Variants in JAG2 observed in about 807,000 individuals in gnomAD.
JAG2 encodes protein jagged-2.
JAG2 carries 46 observed loss-of-function variants against 141.7 expected under a neutral mutation model. The ratio of observed to expected loss-of-function variants is 0.32; its 90% CI spans 0.26 to 0.42. The LOEUF is 0.42. JAG2 is among the 10% of genes least tolerant of loss of function. The pLI, the probability that JAG2 is intolerant of heterozygous loss-of-function variation, is 1.00. For missense variants in JAG2, 1,500 were observed against 1,817.5 expected (o/e 0.83, Z 3.18); for synonymous variants, 862 against 763.5 (o/e 1.13, Z -2.13).
intron 15 of JAG2, 133 bp downstream of exon 15, chr14:105,148,611 TG>T: frequency 1.1e-6 from 1 of 920,086 alleles, no homozygotes; most frequent in Non-Finnish European, 1.7e-6. Context: ...CTCCACCCCA[TG>T]GTGGCAGCAC....
intron 17 of JAG2, 28 bp downstream of exon 17, chr14:105,148,088 G>A (rs1010085980): frequency 1.2e-5 from 18 of 1,512,514 alleles, no homozygotes; most frequent in Admixed American, 5.9e-5. Flanking sequence ...TATGCCCGGC[G>A]GTCGCAGAGG....
At chr14:105,156,524 T>C (rs587598409) in intron 3 of JAG2, among the ~76,000 whole-genome samples, 8 of 151,776 alleles carry the variant, frequency 5.3e-5, no homozygotes, top group East Asian at 3.9e-4. Flanking sequence ...AAGACAGGCA[T>C]AGGTCCCGTG....
At chr14:105,153,581 G>A (rs1385566230) in intron 5 of JAG2, among the ~76,000 whole-genome samples, 8 of 152,102 alleles carry the variant, frequency 5.3e-5, no homozygotes, top group African/African-American at 7.2e-5. Context: ...GAGAGGCGGC[G>A]GCAGGAAGGC....
Position 105,155,570 on chromosome 14 carries a change from C to A in JAG2, c.780G>T (p.Gly260=). ...GCCGGCGGCACACTCACCTGCACTCCCCAGGCACGGTGCATCCCCCGTGGA... is the reference window on the plus strand; with the variant it reads ...GCCGGCGGCACACTCACCTGCACTCACCAGGCACGGTGCATCCCCCGTGGA... ...NLLHGGCTVP[G]ECRCSYGWQG... Residue 260 remains glycine, a synonymous_variant, in exon 5 of 26, where the codon GGG becomes GGT. Coordinates refer to ENST00000331782, the MANE Select transcript of JAG2 (RefSeq NM_002226.5). 6.2e-7 allele frequency: 1 copy of A among 1,612,902 alleles called. No individual in the cohort carries two copies. Among genetic ancestry groups the A allele is most frequent in the Non-Finnish European group, 8.5e-7 (1 of 1,179,980 alleles).
chr14:105,143,554 C>T lies in JAG2; in HGVS notation c.3169G>A (p.Gly1057Arg). Reference sequence around the variant, plus strand: ...ACAGCCAGGAGCAGTGAGCTGTTCCCCCGCTGGGTGATGGCGGCCACGATG... The same window carrying T: ...ACAGCCAGGAGCAGTGAGCTGTTCCTCCGCTGGGTGATGGCGGCCACGATG... The part of the protein sequence containing the change: ...HAIVAAITQR[G>R]NSSLLLAVTE... Residue 1057 changes from glycine to arginine, a missense_variant, in exon 25 of 26, where the codon GGG (glycine) becomes AGG (arginine). By Grantham distance (125) the Gly-to-Arg change is moderately radical. Around this residue, in one of 3 missense-constraint regions of JAG2, gnomAD observed 425 missense variants for 441.0 expected, o/e 0.96. Transcript: ENST00000331782. 7.5e-6 allele frequency: 12 copies of T among 1,598,502 alleles called. No individual in the cohort carries two copies. The highest frequency in any genetic ancestry group is 1.0e-5 in the Non-Finnish European group (12 of 1,175,324).
intron 2 of JAG2, among the ~76,000 whole-genome samples, chr14:105,158,218 C>T (rs1888634287): frequency 6.6e-6 from 1 of 152,132 alleles, no homozygotes; most frequent in Admixed American, 6.5e-5. Context: ...GAACGTGGGG[C>T]CCCATCACCA....
chr14:105,166,092 C>A (rs1888900717), intron 2 of JAG2, among the ~76,000 whole-genome samples: 1 of 152,250 alleles, frequency 6.6e-6, no homozygotes, highest in Admixed American at 6.5e-5. Flanking sequence ...CGCCTGCCCC[C>A]TCCTGGGGCA....
chr14:105,148,869 G>A lies in JAG2; in HGVS notation c.1907-11C>T, dbSNP rs200423307. On this transcript the variant is annotated splice_polypyrimidine_tract_variant and intron_variant, in intron 14 of 25. Coordinates refer to ENST00000331782, the MANE Select transcript of JAG2 (RefSeq NM_002226.5). ...GGCAGTCGTCAATGTCTGCAGAGGC[G>A]AGCGGGGTGAGCCAGGGCCTCAGGC... 1.5e-4 allele frequency: 236 copies of A among 1,586,744 alleles called. No homozygotes were observed. Among genetic ancestry groups the A allele is most frequent in the East Asian group, 7.1e-4 (31 of 43,388 alleles).
Position 105,150,884 on chromosome 14 carries a change from T to C in JAG2, c.1409A>G (p.Gln470Arg), listed in dbSNP as rs751068742. Residue 470 changes from glutamine to arginine, a missense_variant, in exon 11 of 26, where the codon CAG (glutamine) becomes CGG (arginine). Coordinates refer to ENST00000331782, the MANE Select transcript of JAG2 (RefSeq NM_002226.5). Reference protein sequence around the residue: ...INVNDCRGQCQHGGTCKDLVN... With the variant: ...INVNDCRGQCRHGGTCKDLVN... ...CCTCACCTTGCAGGTGCCCCCATGCTGACACTGCCCGCGACAGTCGTTGAC... is the reference window on the plus strand; with the variant it reads ...CCTCACCTTGCAGGTGCCCCCATGCCGACACTGCCCGCGACAGTCGTTGAC... The C allele has an allele frequency of 1.3e-6, 2 of 1,590,892 alleles. No homozygotes were observed. The highest frequency in any genetic ancestry group is 1.8e-5 in the Admixed American group (1 of 56,860).
In JAG2 at chr14:105,148,747, G is replaced by A. The variant is rs1888310901; in HGVS notation, c.2018C>T (p.Thr673Ile). 6.4e-7 allele frequency: 1 copy of A among 1,563,850 alleles called. No homozygotes were observed. Among genetic ancestry groups the A allele is most frequent in the African/African-American group, 1.4e-5 (1 of 74,028 alleles). Residue 673 changes from threonine (T) to isoleucine (I), a missense_variant and splice_region_variant, in exon 15 of 26, where the codon ACC becomes ATC. By Grantham distance (89) the Thr-to-Ile change is moderately conservative. This residue lies in a region of JAG2 where 875 missense variants were observed against 1,202.2 expected (regional missense o/e 0.73). Transcript: ENST00000331782. Reference sequence around the variant, plus strand: ...TGGGCGGGTGCTGGAACACTCACTGGTGTCGCAGAGCTCGCCCTCCCAGCC... The same window carrying A: ...TGGGCGGGTGCTGGAACACTCACTGATGTCGCAGAGCTCGCCCTCCCAGCC... Reference protein sequence around the residue: ...PSGWEGELCDTNPNDCLPDPC... With the variant: ...PSGWEGELCDINPNDCLPDPC...
At chr14:105,166,477 C>A (rs2140998072) in intron 2 of JAG2, among the ~76,000 whole-genome samples, 1 of 152,374 alleles carries the variant, frequency 6.6e-6, no homozygotes, top group Middle Eastern at 3.4e-3. Context: ...CCTGCCTTTT[C>A]CATCTGGGGG....
At position 105,168,347 on chromosome 14, in the gene JAG2, C is replaced by T; in HGVS notation, c.66+8G>A. On this transcript the variant is annotated splice_region_variant and intron_variant, in intron 1 of 25. Transcript: ENST00000331782. ...CGCGACCCCCGCCGCCCCCGCCGCCCCGCTCACCTGCACCCAGAGCGCCAG... is the reference window on the plus strand; with the variant it reads ...CGCGACCCCCGCCGCCCCCGCCGCCTCGCTCACCTGCACCCAGAGCGCCAG... 1 of 958,148 alleles carries T rather than the reference C, an allele frequency of 1.0e-6. No individual in the cohort carries two copies. The highest frequency in any genetic ancestry group is 1.3e-6 in the Non-Finnish European group (1 of 779,648). 59.4% of individuals were successfully genotyped at this position (958,148 alleles called of 1,614,324 possible).
intron 13 of JAG2, 38 bp from the exon 14 acceptor site, chr14:105,149,127 C>CCGG: frequency 6.3e-7 from 1 of 1,580,780 alleles, no homozygotes; most frequent in Non-Finnish European, 8.6e-7. Flanking sequence ...AGGCCCGCCC[C>CCGG]TGCCCCACCA....
At chr14:105,145,693 G>T in intron 23 of JAG2, 38 bp downstream of exon 23, 1 of 1,569,010 alleles carries the variant, frequency 6.4e-7, no homozygotes, top group Non-Finnish European at 8.6e-7. Context: ...ATGCCGGCGT[G>T]TGGCCTCTGC....
intron 9 of JAG2, 36 bp downstream of exon 9, chr14:105,151,247 G>A (rs376410237): frequency 4.4e-4 from 558 of 1,278,452 alleles, no homozygotes; most frequent in Middle Eastern, 1.8e-3. Context: ...CCGCATGCGC[G>A]GCCCACGTTC....
rs76874915 is a variant in JAG2 at position 105,164,135 on chromosome 14, G to A, written c.417+3622C>T. Among the ~76,000 whole-genome samples the A allele has an allele frequency of 1.0e-3, 151 of 147,656 alleles. 1 individual carries two copies. In the East Asian group the frequency reaches 0.02, roughly 19 times the overall value. ...CCTCCCAGCCTTCCTATCGTGCTGC[G>A]GCTTTGACCCTTCAGCCCACCCTCA... is the stretch of plus-strand genomic sequence containing the variant. On this transcript the variant is annotated intron_variant, in intron 2 of 25. Coordinates refer to ENST00000331782, the MANE Select transcript of JAG2 (RefSeq NM_002226.5).
Position 105,168,347 on chromosome 14 carries a change from C to G in JAG2, c.66+8G>C. ...CGCGACCCCCGCCGCCCCCGCCGCCCCGCTCACCTGCACCCAGAGCGCCAG... is the reference window on the plus strand; with the variant it reads ...CGCGACCCCCGCCGCCCCCGCCGCCGCGCTCACCTGCACCCAGAGCGCCAG... On this transcript the variant is annotated splice_region_variant and intron_variant, in intron 1 of 25. Coordinates refer to ENST00000331782, the MANE Select transcript of JAG2 (RefSeq NM_002226.5). 1 of 958,146 alleles carries G rather than the reference C, an allele frequency of 1.0e-6. No homozygotes were observed. Among genetic ancestry groups the G allele is most frequent in the Non-Finnish European group, 1.3e-6 (1 of 779,646 alleles). 59.4% of individuals were successfully genotyped at this position (958,146 alleles called of 1,614,324 possible).
Position 105,146,471 on chromosome 14 carries a change from G to C in JAG2, c.2623C>G (p.Arg875Gly). The change falls in exon 22 of 26, where the codon CGG becomes GGG. Residue 875 changes from arginine (R) to glycine (G), a missense_variant. This residue lies in a region of JAG2 where 875 missense variants were observed against 1,202.2 expected (regional missense o/e 0.73). Coordinates refer to ENST00000331782, the MANE Select transcript of JAG2 (RefSeq NM_002226.5). ...VIGFGRSCWS[R>G]GTPFPHGSSW... ...CTTCCGTGTGGGAACGGAGTGCCCC[G>C]GGACCAGCAGGATCTCCCGAACCCG... The C allele has an allele frequency of 6.2e-7, 1 of 1,612,762 alleles. No homozygotes were observed. The highest frequency in any genetic ancestry group is 8.5e-7 in the Non-Finnish European group (1 of 1,179,886).
intron 13 of JAG2, 38 bp from the exon 14 acceptor site, chr14:105,149,127 C>CAG: frequency 8.2e-6 from 13 of 1,580,574 alleles, no homozygotes; most frequent in Admixed American, 1.8e-5. Context: ...AGGCCCGCCC[C>CAG]TGCCCCACCA....
Sources: gnomAD v4.1 joint callset for allele counts (sites outside exome capture counted in the v4.1 genomes callset) on GRCh38, gnomAD v4.1.1 for gene constraint, gnomAD v4.1.1 regional missense constraint, MANE v1.5 for transcripts, NCBI Gene and HGNC (gene_info 2026-07-23, HGNC 2026-07-21) for gene names.